Variants in PLXNA4 observed in about 807,000 individuals in gnomAD.
PLXNA4 encodes the protein plexin-A4.
Under a neutral mutation model 191.8 loss-of-function variants are expected in PLXNA4, and 44 were observed. The observed-to-expected ratio is 0.23, with a 90% CI of 0.18 to 0.29. The LOEUF (loss-of-function observed/expected upper bound fraction) is 0.29. PLXNA4 is among the 10% of genes least tolerant of loss of function. PLXNA4 has a pLI of 1.00. For missense variants in PLXNA4, 1,800 were observed against 2,488.8 expected, an observed-to-expected ratio of 0.72 and a Z score of 5.89; for synonymous variants, 1,082 against 1,009.5, an observed-to-expected ratio of 1.07 and a Z score of -1.36.
chr7:132,542,742 A>G lies in PLXNA4; in HGVS notation c.-87+33680T>C, dbSNP rs554502992. Among the ~76,000 whole-genome samples, 12 of 152,306 alleles carry G rather than the reference A, an allele frequency of 7.9e-5. No homozygotes were observed. The South Asian group carries it at 2.3e-3, about 29-fold the overall frequency. On this transcript the variant is annotated intron_variant, in intron 1 of 31. Transcript: ENST00000321063. ...TGCCCACTGCCCTACTTCATTAATT[A>G]TCTCTTCAGCTATTTCTAAATTATT...
chr7:132,324,768 A>G (rs1426591535), intron 3 of PLXNA4, among the ~76,000 whole-genome samples: 1 of 152,162 alleles, frequency 6.6e-6, no homozygotes, highest in Non-Finnish European at 1.5e-5. Context: ...CTGAGGCCAG[A>G]GTTTAGCCTA....
intron 6 of PLXNA4, among the ~76,000 whole-genome samples, chr7:132,227,816 C>G (rs1458568232): frequency 6.6e-6 from 1 of 152,136 alleles, no homozygotes; most frequent in Non-Finnish European, 1.5e-5. Flanking sequence ...CAAAAGAAAC[C>G]TCATTAGGAT....
chr7:132,393,194 CCCCCCA>C (rs1793589535), intron 3 of PLXNA4, among the ~76,000 whole-genome samples: 2 of 136,194 alleles, frequency 1.5e-5, no homozygotes, highest in Non-Finnish European at 3.2e-5. Context: ...CCCAACACCC[CCCCCCA>C]CCACCACCAC....
chr7:132,538,834 C>T (rs1021884329), intron 1 of PLXNA4, among the ~76,000 whole-genome samples: 1 of 152,220 alleles, frequency 6.6e-6, no homozygotes, highest in Non-Finnish European at 1.5e-5. Context: ...CCCCTCCTAA[C>T]ATCCTGCCCT....
chr7:132,396,675 A>G (rs1169369337), intron 3 of PLXNA4, among the ~76,000 whole-genome samples: 2 of 152,150 alleles, frequency 1.3e-5, no homozygotes, highest in African/African-American at 4.8e-5. Flanking sequence ...TATTTTTGGT[A>G]GAGGACGGGG....
chr7:132,383,338 A>T (rs1213322179), intron 3 of PLXNA4: 1 of 166,876 alleles, frequency 6.0e-6, no homozygotes, highest in African/African-American at 2.4e-5. Context: ...TGCTACCTAA[A>T]GCATTCCCTG....
chr7:132,563,499 C>T (rs1369667117), intron 1 of PLXNA4, among the ~76,000 whole-genome samples: 3 of 82,906 alleles, frequency 3.6e-5, no homozygotes, highest in Middle Eastern at 0.017. Context: ...CCTCCTTCTC[C>T]TCCTCCTCCT....
At position 132,130,395 on chromosome 7, in the gene PLXNA4, A is replaced by G; in HGVS notation, c.*84T>C. 1 of 1,595,296 alleles carries G rather than the reference A, an allele frequency of 6.3e-7. No homozygotes were observed. Among genetic ancestry groups the G allele is most frequent in the Non-Finnish European group, 8.6e-7 (1 of 1,164,954 alleles). On this transcript the variant is annotated 3_prime_UTR_variant, in exon 32 of 32. Transcript: ENST00000321063. ...AGGGGATGCTGCTGATGCCAGTCGG[A>G]ACTTGCACTTGGTAAAGATGATAAT...
At chr7:132,531,249 C>G (rs1023445889) in intron 1 of PLXNA4, among the ~76,000 whole-genome samples, 1 of 152,194 alleles carries the variant, frequency 6.6e-6, no homozygotes, top group African/African-American at 2.4e-5. Flanking sequence ...TCTACCACCA[C>G]AAGAATTTTT....
intron 4 of PLXNA4, among the ~76,000 whole-genome samples, chr7:132,267,779 G>A (rs531648360): frequency 1.3e-5 from 2 of 152,238 alleles, no homozygotes; most frequent in African/African-American, 2.4e-5. Flanking sequence ...AGGCTGTTGC[G>A]AGTCCTCACC....
chr7:132,439,570 A>G (rs1795611284), intron 3 of PLXNA4, among the ~76,000 whole-genome samples: 1 of 152,092 alleles, frequency 6.6e-6, no homozygotes, highest in African/African-American at 2.4e-5. Context: ...ACCTTGGGTG[A>G]CACATTTTGC....
chr7:132,240,301 A>G (rs1326107506), intron 5 of PLXNA4, among the ~76,000 whole-genome samples: 2 of 152,188 alleles, frequency 1.3e-5, no homozygotes, highest in Non-Finnish European at 2.9e-5. Context: ...TCCCCAAAGA[A>G]AAGCCTTCAG....
chr7:132,189,606 T>G (rs956429750), intron 14 of PLXNA4, among the ~76,000 whole-genome samples: 1 of 152,128 alleles, frequency 6.6e-6, no homozygotes. Flanking sequence ...CCCCAAGTCC[T>G]GGGGAAAGAG....
At chr7:132,215,105 C>T (rs1469816072) in intron 9 of PLXNA4, among the ~76,000 whole-genome samples, 2 of 152,182 alleles carry the variant, frequency 1.3e-5, no homozygotes, top group Admixed American at 1.3e-4. Context: ...CCCAGCAGTT[C>T]CCACCCAGCT....
At chr7:132,313,780 A>G (rs1362930297) in intron 3 of PLXNA4, among the ~76,000 whole-genome samples, 1 of 152,136 alleles carries the variant, frequency 6.6e-6, no homozygotes, top group African/African-American at 2.4e-5. Context: ...GGATTGTGAT[A>G]TCATGATATC....
chr7:132,285,232 A>T (rs1800641272), intron 4 of PLXNA4, among the ~76,000 whole-genome samples: 1 of 152,244 alleles, frequency 6.6e-6, no homozygotes, highest in Non-Finnish European at 1.5e-5. Flanking sequence ...GGAAATACGC[A>T]GAGATTAAAT....
chr7:132,389,911 G>C (rs1378710980), intron 3 of PLXNA4, among the ~76,000 whole-genome samples: 1 of 152,164 alleles, frequency 6.6e-6, no homozygotes, highest in Non-Finnish European at 1.5e-5. Flanking sequence ...AAAAAGTCAG[G>C]ACACAACAGA....
chr7:132,374,775 G>A (rs773584450), intron 3 of PLXNA4, among the ~76,000 whole-genome samples: 3 of 152,172 alleles, frequency 2.0e-5, no homozygotes, highest in South Asian at 2.1e-4. Context: ...CACCAACAGA[G>A]AGCATATAAT....
chr7:132,228,418 G>A lies in PLXNA4; in HGVS notation c.1656C>T (p.Ala552=). 6.2e-7 allele frequency: 1 copy of A among 1,614,164 alleles called. No individual in the cohort carries two copies. ...CERSKEPRRF[A]SEMKQCVRLT... ...GCCGGACACACTGCTTCATCTCCGA[G>A]GCAAACCTGCGGGGCTCCTTGGACC... Residue 552 remains alanine (A), a synonymous_variant, in exon 6 of 32, where the codon GCC becomes GCT. Transcript: ENST00000321063.
Sources: allele counts gnomAD v4.1 joint callset (sites outside exome capture counted in the v4.1 genomes callset), GRCh38; gene constraint gnomAD v4.1.1; transcripts MANE v1.5; gene names NCBI Gene and HGNC (gene_info 2026-07-23, HGNC 2026-07-21).